The following SUGT1 variants were observed in gnomAD, a reference collection of about 807,000 sequenced individuals.
The protein encoded by SUGT1 is SGT1 assembly cochaperone of MIS12 kinetochore complex.
In SUGT1, 15 loss-of-function variants were observed where a neutral mutation model predicts 56.1. That is an observed-to-expected ratio of 0.27 (90% CI 0.18 to 0.41). SUGT1 has a LOEUF of 0.41. Among genes scored for constraint, SUGT1 ranks in the 10% least tolerant of loss-of-function variants. SUGT1 has a pLI of 1.00. For missense variants in SUGT1, 347 were observed against 382.2 expected (o/e 0.91, Z 0.77); for synonymous variants, 123 against 128.6 (o/e 0.96, Z 0.30).
chr13:52,672,079 AC>A (rs1463919643), intron 10 of SUGT1, among the ~76,000 whole-genome samples: 3 of 152,150 alleles, frequency 2.0e-5, no homozygotes, highest in African/African-American at 7.2e-5. Flanking sequence ...TACCTTTCTT[AC>A]TGTTTTATTT....
chr13:52,700,519 C>G lies in SUGT1; in HGVS notation c.*12684C>G, dbSNP rs1322551414. The G allele has an allele frequency of 6.6e-6, 1 of 152,086 alleles. No individual in the cohort carries two copies. Among genetic ancestry groups the G allele is most frequent in the African/African-American group, 2.4e-5 (1 of 41,414 alleles). The allele number at this position is 152,086 out of a possible 1,614,324, so 9.4% of individuals were successfully genotyped here. On this transcript the variant is annotated 3_prime_UTR_variant, in exon 13 of 13. Coordinates refer to ENST00000310528, the MANE Select transcript of SUGT1 (RefSeq NM_006704.5). ...CTGGACTTTCTCAAAATGAAGTACACCTATATATGCATATAGTATATGAGC... is the reference window on the plus strand; with the variant it reads ...CTGGACTTTCTCAAAATGAAGTACAGCTATATATGCATATAGTATATGAGC...
At chr13:52,682,163 T>A (rs1555274274) in intron 12 of SUGT1, among the ~76,000 whole-genome samples, 1 of 152,150 alleles carries the variant, frequency 6.6e-6, no homozygotes, top group Non-Finnish European at 1.5e-5. Context: ...CTCTCCTATT[T>A]AAAAAATAAA....
In SUGT1 at chr13:52,695,813, T is replaced by C. The variant is rs1963913260; in HGVS notation, c.*7978T>C. 1 of 152,270 alleles carries C rather than the reference T, an allele frequency of 6.6e-6. No homozygotes were observed. The highest frequency in any genetic ancestry group is 2.1e-4 in the South Asian group (1 of 4,834). The allele number at this position is 152,270 out of a possible 1,614,324, so 9.4% of individuals were successfully genotyped here. On this transcript the variant is annotated 3_prime_UTR_variant, in exon 13 of 13. Transcript: ENST00000310528. ...TTGTTTTTAGTGTTCAGACATCTGC[T>C]GTTTCTGAATATGTCGTGTATTTTC...
chr13:52,661,954 TTTAACATATC>T (rs1246513169), intron 5 of SUGT1, among the ~76,000 whole-genome samples: 1 of 152,232 alleles, frequency 6.6e-6, no homozygotes, highest in Non-Finnish European at 1.5e-5. Context: ...TTTTAATACT[TTTAACATATC>T]TTACTATGCA....
At chr13:52,669,820 A>G (rs1274313205) in intron 10 of SUGT1, among the ~76,000 whole-genome samples, 1 of 152,226 alleles carries the variant, frequency 6.6e-6, no homozygotes, top group Non-Finnish European at 1.5e-5. Flanking sequence ...AGGGAAATAA[A>G]TGATAAAATC....
At chr13:52,665,962 T>C (rs1962683360) in intron 9 of SUGT1, among the ~76,000 whole-genome samples, 1 of 152,230 alleles carries the variant, frequency 6.6e-6, no homozygotes, top group Admixed American at 6.5e-5. Flanking sequence ...AAGCAGAATT[T>C]GGTTATATTA....
chr13:52,690,740 A>G lies in SUGT1; in HGVS notation c.*2905A>G, dbSNP rs1337642248. 2 of 152,258 alleles carry G rather than the reference A, an allele frequency of 1.3e-5. No homozygotes were observed. Among genetic ancestry groups the G allele is most frequent in the Non-Finnish European group, 2.9e-5 (2 of 68,066 alleles). 9.4% of individuals were successfully genotyped at this position (152,258 alleles called of 1,614,324 possible). A position where few individuals can be genotyped will look rare whatever the true frequency, so the allele number is the denominator to read the frequency against. On this transcript the variant is annotated 3_prime_UTR_variant, in exon 13 of 13. Transcript: ENST00000310528. ...TAATACCCATTCAGAGTTGACTGCC[A>G]ACTAACAAGCTCAGCCTTTAGCACT...
Position 52,676,334 on chromosome 13 carries a change from C to A in SUGT1, c.718+14C>A. On this transcript the variant is annotated intron_variant, in intron 11 of 12. Transcript: ENST00000310528. Reference sequence around the variant, plus strand: ...AATTCGTAGCAGGTTTGTTTTCTGGCCTTGATGAGCTTTATATTCATATTG... The same window carrying A: ...AATTCGTAGCAGGTTTGTTTTCTGGACTTGATGAGCTTTATATTCATATTG... 1 of 1,597,670 alleles carries A rather than the reference C, an allele frequency of 6.3e-7. No homozygotes were observed. The highest frequency in any genetic ancestry group is 1.1e-5 in the South Asian group (1 of 88,558).
intron 10 of SUGT1, among the ~76,000 whole-genome samples, chr13:52,672,570 G>C (rs1379188644): frequency 1.3e-5 from 2 of 152,208 alleles, no homozygotes. Context: ...GCAATTAAAT[G>C]TGAAAAGAGC....
chr13:52,684,127 C>T (rs942305124), intron 12 of SUGT1, among the ~76,000 whole-genome samples: 4 of 152,034 alleles, frequency 2.6e-5, no homozygotes, highest in African/African-American at 9.7e-5. Flanking sequence ...TCTGTAACTC[C>T]TGAGCTCAAG....
chr13:52,670,814 A>G (rs1239289007), intron 10 of SUGT1, among the ~76,000 whole-genome samples: 1 of 152,208 alleles, frequency 6.6e-6, no homozygotes, highest in Non-Finnish European at 1.5e-5. Flanking sequence ...CTCCGTCTCC[A>G]AAAGAAAAAA....
intron 11 of SUGT1, among the ~76,000 whole-genome samples, chr13:52,678,076 T>C (rs934964396): frequency 6.6e-6 from 1 of 152,212 alleles, no homozygotes; most frequent in Non-Finnish European, 1.5e-5. Flanking sequence ...CCAGCTTGCT[T>C]ATCTACAAAA....
chr13:52,659,814 A>ATATTTTTTTT (rs1555271105), intron 5 of SUGT1, among the ~76,000 whole-genome samples: 2 of 58,726 alleles, frequency 3.4e-5, no homozygotes, highest in African/African-American at 1.5e-4. Flanking sequence ...ATATATATAT[A>ATATTTTTTTT]TTTTTTTTTT....
At chr13:52,661,146 A>T (rs548970682) in intron 5 of SUGT1, among the ~76,000 whole-genome samples, 1 of 152,170 alleles carries the variant, frequency 6.6e-6, no homozygotes, top group Non-Finnish European at 1.5e-5. Flanking sequence ...TCTTAATATC[A>T]TGCCATTGAC....
At chr13:52,672,056 A>G (rs1444062036) in intron 10 of SUGT1, among the ~76,000 whole-genome samples, 4 of 152,222 alleles carry the variant, frequency 2.6e-5, no homozygotes, top group African/African-American at 4.8e-5. Context: ...TAAGAGCTCA[A>G]TAAATGTTAC....
chr13:52,692,887 A>G lies in SUGT1; in HGVS notation c.*5052A>G, dbSNP rs796610276. 6.6e-5 allele frequency: 10 copies of G among 152,258 alleles called. No individual in the cohort carries two copies. The highest frequency in any genetic ancestry group is 9.6e-5 in the African/African-American group (4 of 41,508). 9.4% of individuals were successfully genotyped at this position (152,258 alleles called of 1,614,324 possible). A position where few individuals can be genotyped will look rare whatever the true frequency, so the allele number is the denominator to read the frequency against. On this transcript the variant is annotated 3_prime_UTR_variant, in exon 13 of 13. Coordinates refer to ENST00000310528, the MANE Select transcript of SUGT1 (RefSeq NM_006704.5). ...CAAATCTAGATCATTACAGAGAAAC[A>G]GTGTACTTTTAACAACTGTTGCATG...
At chr13:52,668,295 T>A (rs796827476) in intron 10 of SUGT1, among the ~76,000 whole-genome samples, 8 of 152,274 alleles carry the variant, frequency 5.3e-5, no homozygotes, top group African/African-American at 1.9e-4. Context: ...CTCCTTTTTT[T>A]ATACATAGGT....
chr13:52,670,683 C>G (rs1231327084), intron 10 of SUGT1, among the ~76,000 whole-genome samples: 1 of 152,090 alleles, frequency 6.6e-6, no homozygotes, highest in African/African-American at 2.4e-5. Flanking sequence ...TGACGGGTGC[C>G]TGTAGTCCCA....
In SUGT1 at chr13:52,667,070, G is replaced by A. The variant is rs924299973; in HGVS notation, c.627+151G>A. The A allele has an allele frequency of 1.9e-5, 11 of 572,532 alleles. No homozygotes were observed. The East Asian group carries it at 2.0e-4, about 11-fold the overall frequency. 35.5% of individuals were successfully genotyped at this position (572,532 alleles called of 1,614,324 possible). On this transcript the variant is annotated intron_variant, in intron 10 of 12. Transcript: ENST00000310528. ...AGAATGATAACTTTTGAGTATAAGG[G>A]TTATTTTACCTCTCAAATTCTAGTA... is the stretch of plus-strand genomic sequence containing the variant.
Sources: allele counts gnomAD v4.1 joint callset (sites outside exome capture counted in the v4.1 genomes callset), GRCh38; gene constraint gnomAD v4.1.1; transcripts MANE v1.5; gene names NCBI Gene and HGNC (gene_info 2026-07-23, HGNC 2026-07-21).